Variants in SLC24A2 observed in about 807,000 individuals in gnomAD.
SLC24A2 encodes sodium/potassium/calcium exchanger 2.
A neutral mutation model predicts 62.0 loss-of-function variants in SLC24A2; 36 were observed. The ratio of observed to expected loss-of-function variants is 0.58; its 90% CI spans 0.44 to 0.77. The LOEUF (loss-of-function observed/expected upper bound fraction) is 0.77, where lower values mean the gene tolerates loss of function less well. Among genes scored for constraint, SLC24A2 ranks in the 30% least tolerant of loss-of-function variants. SLC24A2 has a pLI of 0.00. For synonymous variants in SLC24A2, 358 were observed against 294.0 expected (o/e 1.22, Z -2.23); for missense variants, 846 against 817.9 (o/e 1.03, Z -0.42).
the SLC24A2 span, among the ~76,000 whole-genome samples, chr9:20,259,484 C>A: frequency 6.6e-6 from 1 of 152,100 alleles, no homozygotes; most frequent in Non-Finnish European, 1.5e-5. Context: ...CACACTCGCC[C>A]TACCCTGCCC....
the SLC24A2 span, among the ~76,000 whole-genome samples, chr9:19,830,444 T>C: frequency 6.6e-6 from 1 of 152,214 alleles, no homozygotes. Context: ...TAAGAATTAG[T>C]AGTAGCTACA....
the SLC24A2 span, among the ~76,000 whole-genome samples, chr9:20,269,238 A>G: frequency 6.6e-6 from 1 of 152,102 alleles, no homozygotes; most frequent in Non-Finnish European, 1.5e-5. Context: ...ATATAAATGC[A>G]TATGAATCTT....
At chr9:20,103,842 G>A in the SLC24A2 span, among the ~76,000 whole-genome samples, 4 of 152,136 alleles carry the variant, frequency 2.6e-5, no homozygotes, top group South Asian at 6.3e-4. Flanking sequence ...GAACAAAGCT[G>A]GATGGAGAAT....
chr9:19,899,598 G>A, the SLC24A2 span, among the ~76,000 whole-genome samples: 1 of 152,184 alleles, frequency 6.6e-6, no homozygotes, highest in Admixed American at 6.5e-5. Context: ...GTCACAAAGA[G>A]AGCCAATGTT....
At chr9:20,221,623 C>G in the SLC24A2 span, among the ~76,000 whole-genome samples, 2 of 151,850 alleles carry the variant, frequency 1.3e-5, no homozygotes, top group African/African-American at 4.8e-5. Flanking sequence ...AGTGCATCCT[C>G]AAGTCTTGAA....
At chr9:19,779,174 A>G (rs4977324) in intron 2 of SLC24A2, among the ~76,000 whole-genome samples, 67,142 of 152,042 alleles carry the variant, frequency 0.44, 15,378 homozygotes, top group Admixed American at 0.53. Context: ...GATACGTCTA[A>G]CTGGAATTCT....
At chr9:19,763,718 ATT>A (rs999963432) in intron 2 of SLC24A2, among the ~76,000 whole-genome samples, 16 of 152,242 alleles carry the variant, frequency 1.1e-4, no homozygotes, top group African/African-American at 3.9e-4. Flanking sequence ...GTTTGCCAGC[ATT>A]TTATTGAGGA....
At chr9:19,555,925 C>T (rs558720006) in intron 7 of SLC24A2, among the ~76,000 whole-genome samples, 2 of 152,182 alleles carry the variant, frequency 1.3e-5, no homozygotes, top group African/African-American at 4.8e-5. Context: ...AGCCTGGCAA[C>T]ACAGACTCCA....
chr9:19,971,879 T>G, the SLC24A2 span, among the ~76,000 whole-genome samples: 1 of 152,196 alleles, frequency 6.6e-6, no homozygotes, highest in African/African-American at 2.4e-5. Context: ...ATAACAACCC[T>G]ATAAGGCAGG....
chr9:20,094,268 G>C, the SLC24A2 span, among the ~76,000 whole-genome samples: 10 of 152,136 alleles, frequency 6.6e-5, no homozygotes, highest in Non-Finnish European at 1.5e-4. Flanking sequence ...TGAGTTGCAA[G>C]CTAAAGTAAC....
At chr9:19,850,987 A>ATATATG in the SLC24A2 span, among the ~76,000 whole-genome samples, 3 of 45,950 alleles carry the variant, frequency 6.5e-5, 1 homozygote, top group Non-Finnish European at 1.5e-4. Flanking sequence ...ATATATATGT[A>ATATATG]TATATATATA....
At chr9:19,900,565 A>T in the SLC24A2 span, among the ~76,000 whole-genome samples, 1 of 152,190 alleles carries the variant, frequency 6.6e-6, no homozygotes. Context: ...TATGAGTCTC[A>T]GTTGCTCATT....
chr9:19,760,814 C>T (rs932969692), intron 2 of SLC24A2, among the ~76,000 whole-genome samples: 3 of 149,940 alleles, frequency 2.0e-5, no homozygotes, highest in African/African-American at 4.9e-5. Context: ...ATCGCAAGGA[C>T]GGAAAACCAA....
upstream of SLC24A2, among the ~76,000 whole-genome samples, chr9:19,793,841 G>C (rs181024483): frequency 6.6e-6 from 1 of 152,092 alleles, no homozygotes; most frequent in Non-Finnish European, 1.5e-5. Flanking sequence ...CCAACAGCCC[G>C]TCAACAATCA....
At chr9:20,122,674 A>T in the SLC24A2 span, among the ~76,000 whole-genome samples, 1 of 152,200 alleles carries the variant, frequency 6.6e-6, no homozygotes, top group Non-Finnish European at 1.5e-5. Context: ...CGACAGAGCT[A>T]GACTCTGTCT....
At position 19,756,903 on chromosome 9, in the gene SLC24A2, C is replaced by CT. The variant is rs780450451; in HGVS notation, c.930+29033dup. 8.1e-3 allele frequency among the ~76,000 whole-genome samples: 633 copies of CT among 78,486 alleles called. 51 individuals carry two copies. The highest frequency in any genetic ancestry group is 0.015 in the Middle Eastern group (1 of 68). The allele number at this position is 78,486 out of a possible 152,430, so 51.5% of individuals were successfully genotyped here. ...GATATTCACACTTCTTTTACTGAAG[C>CT]TTTTTTTTTTTTTTTTTTTTTTTAG... is the stretch of plus-strand genomic sequence containing the variant. On this transcript the variant is annotated intron_variant, in intron 2 of 10. Coordinates refer to ENST00000341998, the MANE Select transcript of SLC24A2 (RefSeq NM_020344.4).
chr9:20,268,850 G>A, the SLC24A2 span, among the ~76,000 whole-genome samples: 1 of 152,168 alleles, frequency 6.6e-6, no homozygotes, highest in Non-Finnish European at 1.5e-5. Flanking sequence ...AAAATAAATG[G>A]TATGTGTGTG....
the SLC24A2 span, among the ~76,000 whole-genome samples, chr9:20,279,488 G>A: frequency 0.32 from 49,340 of 152,096 alleles, 8,539 homozygotes; most frequent in African/African-American, 0.44. Context: ...CTGAGATCAC[G>A]CCATTGCACT....
chr9:19,525,777 T>TG (rs1369643175), intron 9 of SLC24A2, among the ~76,000 whole-genome samples: 1 of 149,954 alleles, frequency 6.7e-6, no homozygotes, highest in Non-Finnish European at 1.5e-5. Context: ...TTTTTTTTTT[T>TG]TTTTTTTTTT....
Sources: gnomAD v4.1 joint callset for allele counts (sites outside exome capture counted in the v4.1 genomes callset) on GRCh38, gnomAD v4.1.1 for gene constraint, MANE v1.5 for transcripts, NCBI Gene and HGNC (gene_info 2026-07-23, HGNC 2026-07-21) for gene names.